Variants in MDGA2 observed in about 807,000 individuals in gnomAD.
MDGA2 encodes MAM domain containing glycosylphosphatidylinositol anchor 2, also known as MAM domain-containing glycosylphosphatidylinositol anchor protein 2.
Under a neutral mutation model 117.8 loss-of-function variants are expected in MDGA2, and 40 were observed. That is an observed-to-expected ratio of 0.34 (90% confidence interval 0.26 to 0.44). The LOEUF (loss-of-function observed/expected upper bound fraction) is 0.44, where lower values mean the gene tolerates loss of function less well. Among genes scored for constraint, MDGA2 ranks in the 20% least tolerant of loss-of-function variants. MDGA2 has a pLI of 1.00. For synonymous variants in MDGA2, 452 were observed against 439.0 expected (o/e 1.03, Z -0.37); for missense variants, 1,123 against 1,250.6 (o/e 0.90, Z 1.54).
intron 1 of MDGA2, among the ~76,000 whole-genome samples, chr14:47,582,308 T>C (rs1896243732): frequency 1.3e-5 from 2 of 151,912 alleles, no homozygotes; most frequent in Non-Finnish European, 2.9e-5. Flanking sequence ...TATATTTCAT[T>C]CAAGATTTTT....
At chr14:47,338,919 T>A (rs1406899982) in intron 1 of MDGA2, among the ~76,000 whole-genome samples, 1 of 152,154 alleles carries the variant, frequency 6.6e-6, no homozygotes, top group African/African-American at 2.4e-5. Flanking sequence ...CAGTCCTTTC[T>A]AACTGGCTCA....
At chr14:47,482,903 GAAA>G (rs71900416) in intron 1 of MDGA2, among the ~76,000 whole-genome samples, 1 of 137,550 alleles carries the variant, frequency 7.3e-6, no homozygotes, top group African/African-American at 2.7e-5. Flanking sequence ...GTGGAGTAAT[GAAA>G]AAAAAAAAAA....
At chr14:47,259,696 T>G (rs1487360692) in intron 2 of MDGA2, among the ~76,000 whole-genome samples, 1 of 151,952 alleles carries the variant, frequency 6.6e-6, no homozygotes, top group East Asian at 1.9e-4. Context: ...AAATAGGAAC[T>G]CCGAAGAAAA....
intron 10 of MDGA2, among the ~76,000 whole-genome samples, chr14:46,906,102 C>A (rs1196741091): frequency 6.6e-6 from 1 of 151,840 alleles, no homozygotes; most frequent in African/African-American, 2.4e-5. Flanking sequence ...ATTGATATTG[C>A]ATATTAAGCC....
intron 2 of MDGA2, among the ~76,000 whole-genome samples, chr14:47,287,096 G>C (rs1888713063): frequency 6.6e-6 from 1 of 151,782 alleles, no homozygotes; most frequent in African/African-American, 2.4e-5. Context: ...TAAAAGAGAG[G>C]TTAAATAAAT....
At chr14:46,937,032 G>A (rs997559776) in intron 9 of MDGA2, among the ~76,000 whole-genome samples, 5 of 151,824 alleles carry the variant, frequency 3.3e-5, no homozygotes, top group African/African-American at 2.4e-5. Flanking sequence ...ACTTTTATAC[G>A]CAGAAAAACC....
chr14:47,578,554 C>T (rs914366457), intron 1 of MDGA2, among the ~76,000 whole-genome samples: 9 of 152,042 alleles, frequency 5.9e-5, no homozygotes, highest in African/African-American at 1.4e-4. Flanking sequence ...CAAGCAATGA[C>T]GATAGTGAGA....
At chr14:47,291,677 G>A (rs780412968) in intron 2 of MDGA2, among the ~76,000 whole-genome samples, 13 of 152,184 alleles carry the variant, frequency 8.5e-5, no homozygotes, top group African/African-American at 1.4e-4. Flanking sequence ...GCTGAAGCTC[G>A]CTGCCACTGC....
intron 1 of MDGA2, among the ~76,000 whole-genome samples, chr14:47,350,582 T>C (rs1890856687): frequency 6.6e-6 from 1 of 152,238 alleles, no homozygotes; most frequent in African/African-American, 2.4e-5. Context: ...CGCGTGTGTG[T>C]GTGTGCGCGC....
chr14:47,188,987 C>A (rs1035992657), intron 3 of MDGA2, among the ~76,000 whole-genome samples: 1 of 152,126 alleles, frequency 6.6e-6, no homozygotes, highest in African/African-American at 2.4e-5. Flanking sequence ...CTACCCCAAC[C>A]AGGTTCTGTC....
intron 1 of MDGA2, among the ~76,000 whole-genome samples, chr14:47,499,011 T>C (rs530117603): frequency 9.9e-5 from 15 of 152,212 alleles, no homozygotes; most frequent in African/African-American, 3.1e-4. Flanking sequence ...TGGCATTTTT[T>C]TTATTCTACA....
chr14:47,374,086 C>A (rs1451512583), intron 1 of MDGA2, among the ~76,000 whole-genome samples: 1 of 152,020 alleles, frequency 6.6e-6, no homozygotes, highest in Non-Finnish European at 1.5e-5. Context: ...GCTTTTTAAG[C>A]AGTGTCTAAT....
intron 1 of MDGA2, among the ~76,000 whole-genome samples, chr14:47,502,376 C>A (rs770731296): frequency 2.0e-5 from 3 of 152,058 alleles, no homozygotes; most frequent in Non-Finnish European, 4.4e-5. Context: ...TGCATATACT[C>A]AATGATCACA....
At chr14:47,485,647 A>C (rs900963095) in intron 1 of MDGA2, among the ~76,000 whole-genome samples, 1 of 152,066 alleles carries the variant, frequency 6.6e-6, no homozygotes, top group Non-Finnish European at 1.5e-5. Flanking sequence ...TAAGAGGAAA[A>C]GTGGTTTCTT....
intron 1 of MDGA2, among the ~76,000 whole-genome samples, chr14:47,526,562 T>A (rs1161218105): frequency 1.3e-5 from 2 of 152,162 alleles, no homozygotes; most frequent in Non-Finnish European, 2.9e-5. Flanking sequence ...GACGGTGATA[T>A]CTTTGCTCAG....
At chr14:47,416,949 G>C (rs1892487884) in intron 1 of MDGA2, among the ~76,000 whole-genome samples, 3 of 152,186 alleles carry the variant, frequency 2.0e-5, no homozygotes, top group East Asian at 3.9e-4. Context: ...AGAAGGAAGA[G>C]AGGAGAGCTG....
At chr14:47,344,204 T>A (rs1594808435) in intron 1 of MDGA2, among the ~76,000 whole-genome samples, 1 of 152,296 alleles carries the variant, frequency 6.6e-6, no homozygotes, top group South Asian at 2.1e-4. Context: ...GAATCTTTAG[T>A]TTTGGCATGT....
chr14:46,865,242 T>C (rs1881701870), intron 14 of MDGA2, among the ~76,000 whole-genome samples: 1 of 152,102 alleles, frequency 6.6e-6, no homozygotes, highest in Admixed American at 6.6e-5. Context: ...AATGCCAGCA[T>C]ATCTGTTAGA....
intron 6 of MDGA2, among the ~76,000 whole-genome samples, chr14:47,066,710 CAGT>C (rs1890095836): frequency 7.7e-6 from 1 of 130,288 alleles, no homozygotes; most frequent in Non-Finnish European, 1.6e-5. Flanking sequence ...AACTGATAAT[CAGT>C]TGATAATCTG....
Sources: allele counts gnomAD v4.1 joint callset (sites outside exome capture counted in the v4.1 genomes callset), GRCh38; gene constraint gnomAD v4.1.1; transcripts MANE v1.5; gene names NCBI Gene and HGNC (gene_info 2026-07-23, HGNC 2026-07-21).